Variants in TMEM135 observed in about 807,000 individuals in gnomAD.
TMEM135 encodes transmembrane protein 135.
In TMEM135, 30 loss-of-function variants were observed where a neutral mutation model predicts 60.3. The ratio of observed to expected loss-of-function variants is 0.50; its 90% CI spans 0.37 to 0.68. The LOEUF is 0.68. TMEM135 is among the 30% of genes least tolerant of loss of function. TMEM135 has a pLI of 0.00. For missense variants in TMEM135, 468 were observed against 548.8 expected, an observed-to-expected ratio of 0.85 and a Z score of 1.47; for synonymous variants, 190 against 186.7, an observed-to-expected ratio of 1.02 and a Z score of -0.14.
At chr11:87,288,256 G>A (rs1167369676) in intron 6 of TMEM135, among the ~76,000 whole-genome samples, 2 of 151,942 alleles carry the variant, frequency 1.3e-5, no homozygotes, top group Admixed American at 1.3e-4. Flanking sequence ...TATGTATATC[G>A]AATTGCTTCT....
chr11:87,059,723 C>T (rs1010023320), intron 1 of TMEM135, among the ~76,000 whole-genome samples: 2 of 152,178 alleles, frequency 1.3e-5, no homozygotes, highest in Non-Finnish European at 1.5e-5. Context: ...AGCAATTCTG[C>T]AGAGTGAAGG....
intron 5 of TMEM135, among the ~76,000 whole-genome samples, chr11:87,163,382 G>T (rs1938945737): frequency 7.0e-6 from 1 of 142,620 alleles, no homozygotes. Flanking sequence ...ATTTTTTATG[G>T]CTGCATAGTA....
chr11:87,260,056 A>T (rs1189664620), intron 6 of TMEM135, among the ~76,000 whole-genome samples: 1 of 152,206 alleles, frequency 6.6e-6, no homozygotes, highest in Non-Finnish European at 1.5e-5. Flanking sequence ...CTGCTCTCAA[A>T]TGCTTTCTAA....
intron 8 of TMEM135, 35 bp downstream of exon 8, chr11:87,302,477 G>A (rs1386653618): frequency 1.2e-6 from 2 of 1,612,932 alleles, no homozygotes; most frequent in Middle Eastern, 1.7e-4. Context: ...AACCTGCTTT[G>A]TCACTGTTTC....
chr11:87,124,085 T>G (rs757393030), intron 4 of TMEM135, among the ~76,000 whole-genome samples: 2 of 152,204 alleles, frequency 1.3e-5, no homozygotes, highest in Non-Finnish European at 2.9e-5. Flanking sequence ...ATCCTTAATC[T>G]CTTGTTTTAG....
intron 5 of TMEM135, among the ~76,000 whole-genome samples, chr11:87,177,417 A>T (rs909486046): frequency 6.6e-6 from 1 of 152,184 alleles, no homozygotes; most frequent in Non-Finnish European, 1.5e-5. Context: ...GAAGAAATAC[A>T]TGATTATTAT....
intron 6 of TMEM135, among the ~76,000 whole-genome samples, chr11:87,237,171 G>T (rs1401104798): frequency 6.6e-6 from 1 of 151,944 alleles, no homozygotes; most frequent in African/African-American, 2.4e-5. Context: ...ACTTTTCATT[G>T]ACACTGGTCT....
At chr11:87,224,527 A>ATT (rs1385395015) in intron 5 of TMEM135, among the ~76,000 whole-genome samples, 1 of 152,182 alleles carries the variant, frequency 6.6e-6, no homozygotes, top group African/African-American at 2.4e-5. Flanking sequence ...GAGGAAAAAC[A>ATT]TAATATCACC....
At chr11:87,139,427 C>T (rs1034704799) in intron 4 of TMEM135, among the ~76,000 whole-genome samples, 12 of 152,144 alleles carry the variant, frequency 7.9e-5, no homozygotes, top group Non-Finnish European at 1.3e-4. Flanking sequence ...TAAAAAGCCC[C>T]TCTTTCCCCT....
intron 4 of TMEM135, among the ~76,000 whole-genome samples, chr11:87,128,909 G>T (rs1937815594): frequency 6.7e-6 from 1 of 148,442 alleles, no homozygotes. Context: ...ATACTATACA[G>T]TATATAAGCT....
intron 4 of TMEM135, among the ~76,000 whole-genome samples, chr11:87,108,540 A>G (rs1857658519): frequency 6.6e-6 from 1 of 151,714 alleles, no homozygotes; most frequent in South Asian, 2.1e-4. Flanking sequence ...TCTAGTCTCT[A>G]TTTATTTCTG....
At chr11:87,287,635 C>A (rs1450573683) in intron 6 of TMEM135, among the ~76,000 whole-genome samples, 2 of 152,168 alleles carry the variant, frequency 1.3e-5, no homozygotes, top group Admixed American at 1.3e-4. Context: ...TGAGATCACA[C>A]CACTGCACTC....
intron 6 of TMEM135, among the ~76,000 whole-genome samples, chr11:87,247,682 G>A (rs1281291893): frequency 6.6e-6 from 1 of 152,206 alleles, no homozygotes; most frequent in Non-Finnish European, 1.5e-5. Flanking sequence ...TAATCTCCTG[G>A]TGCGCCGTTT....
At chr11:87,146,714 C>T (rs944876510) in intron 4 of TMEM135, among the ~76,000 whole-genome samples, 5 of 152,144 alleles carry the variant, frequency 3.3e-5, no homozygotes, top group South Asian at 4.1e-4. Context: ...CAATGTTTTA[C>T]GCCATCTAAC....
Position 87,243,940 on chromosome 11 carries a change from G to A in TMEM135, c.509+7256G>A, listed in dbSNP as rs374365448. 1.1e-4 allele frequency among the ~76,000 whole-genome samples: 9 copies of A among 79,690 alleles called. 4 individuals carry two copies. Among genetic ancestry groups the A allele is most frequent in the African/African-American group, 3.3e-4 (7 of 20,988 alleles). The allele number at this position is 79,690 out of a possible 152,430, so 52.3% of individuals were successfully genotyped here. A position where few individuals can be genotyped will look rare whatever the true frequency, so the allele number is the denominator to read the frequency against. On this transcript the variant is annotated intron_variant, in intron 6 of 14. Coordinates refer to ENST00000305494, the MANE Select transcript of TMEM135 (RefSeq NM_022918.4). Reference sequence around the variant, plus strand: ...CCCTGTCTTGTGCCAGTTTTCAAAGGTAATGCTTCCAGCTTTTGCCCATTC... The same window carrying A: ...CCCTGTCTTGTGCCAGTTTTCAAAGATAATGCTTCCAGCTTTTGCCCATTC...
At chr11:87,074,840 C>T (rs1035569829) in intron 3 of TMEM135, among the ~76,000 whole-genome samples, 2 of 152,182 alleles carry the variant, frequency 1.3e-5, no homozygotes, top group African/African-American at 4.8e-5. Flanking sequence ...TTCATACCAT[C>T]CAGTTCATAT....
At chr11:87,271,813 A>G (rs11235065) in intron 6 of TMEM135, among the ~76,000 whole-genome samples, 53,560 of 151,508 alleles carry the variant, frequency 0.35, 10,007 homozygotes, top group Non-Finnish European at 0.42. Context: ...GCATGCGCTT[A>G]TTGTCCCAGC....
chr11:87,238,833 C>T (rs956982837), intron 6 of TMEM135, among the ~76,000 whole-genome samples: 1 of 151,988 alleles, frequency 6.6e-6, no homozygotes, highest in Non-Finnish European at 1.5e-5. Flanking sequence ...TGTTGACATA[C>T]ACAAGAAGAA....
rs572624115 is a variant in TMEM135, at chr11:87,324,377, G to T, written c.*3044G>T. On this transcript the variant is annotated 3_prime_UTR_variant, in exon 15 of 15. Transcript: ENST00000305494. ...CAATGGCCCAAATGTTGTTTTTGGA[G>T]CAGAGAAATTATTAGCCCAGAGATT... 3 of 453,994 alleles carry T rather than the reference G, an allele frequency of 6.6e-6. No homozygotes were observed. The highest frequency in any genetic ancestry group is 6.0e-5 in the African/African-American group (3 of 50,100). The allele number at this position is 453,994 out of a possible 1,614,324, so 28.1% of individuals were successfully genotyped here.
Sources: gnomAD v4.1 joint callset for allele counts (sites outside exome capture counted in the v4.1 genomes callset) on GRCh38, gnomAD v4.1.1 for gene constraint, MANE v1.5 for transcripts, NCBI Gene and HGNC (gene_info 2026-07-23, HGNC 2026-07-21) for gene names.